The following DNAH9 variants were observed in gnomAD, a reference collection of about 807,000 sequenced individuals.
DNAH9 encodes the protein dynein axonemal heavy chain 9.
Under a neutral mutation model 471.6 loss-of-function variants are expected in DNAH9, and 345 were observed. The observed-to-expected ratio is 0.73, with a 90% CI of 0.67 to 0.80. The LOEUF (loss-of-function observed/expected upper bound fraction) is 0.80. Among genes scored for constraint, DNAH9 ranks in the 30% least tolerant of loss-of-function variants. The pLI, the probability that DNAH9 is intolerant of heterozygous loss-of-function variation, is 0.00. For missense variants in DNAH9, 5,407 were observed against 5,609.2 expected (o/e 0.96, Z 1.15); for synonymous variants, 2,093 against 2,123.6 (o/e 0.99, Z 0.40).
intron 15 of DNAH9, among the ~76,000 whole-genome samples, chr17:11,666,215 A>G (rs1432655593): frequency 6.6e-6 from 1 of 152,144 alleles, no homozygotes; most frequent in Non-Finnish European, 1.5e-5. Context: ...GCCTCCTCTA[A>G]TGCTGGAGGT....
chr17:11,814,558 T>C (rs1970028046), intron 45 of DNAH9, among the ~76,000 whole-genome samples: 1 of 152,248 alleles, frequency 6.6e-6, no homozygotes, highest in South Asian at 2.1e-4. Context: ...ATTTACTAAG[T>C]GTGCATGCTC....
chr17:11,886,990 C>T, intron 57 of DNAH9, 25 bp downstream of exon 57: 1 of 1,601,008 alleles, frequency 6.2e-7, no homozygotes, highest in South Asian at 1.1e-5. Flanking sequence ...GAGTTTCTTG[C>T]CTGATTATAA....
intron 45 of DNAH9, among the ~76,000 whole-genome samples, chr17:11,816,051 G>T (rs902568268): frequency 1.3e-5 from 2 of 152,100 alleles, no homozygotes; most frequent in African/African-American, 2.4e-5. Flanking sequence ...CACAGTAGAA[G>T]ACTTACCTTA....
intron 52 of DNAH9, among the ~76,000 whole-genome samples, chr17:11,872,899 G>A (rs751181769): frequency 3.3e-5 from 5 of 152,224 alleles, no homozygotes; most frequent in African/African-American, 7.2e-5. Context: ...CAGCCTGGGC[G>A]ACAGAGCGAG....
intron 51 of DNAH9, among the ~76,000 whole-genome samples, chr17:11,869,643 T>G (rs889954879): frequency 4.6e-5 from 7 of 152,112 alleles, no homozygotes; most frequent in African/African-American, 1.7e-4. Flanking sequence ...GGAACTGAGA[T>G]AGAAACAGAA....
intron 17 of DNAH9, among the ~76,000 whole-genome samples, chr17:11,671,774 G>A (rs1280646598): frequency 1.3e-5 from 2 of 152,224 alleles, no homozygotes; most frequent in East Asian, 1.9e-4. Context: ...GATACAGGAC[G>A]TGGTAACAGC....
chr17:11,728,014 C>G (rs2075186793), intron 28 of DNAH9, 92 bp downstream of exon 28: 1 of 800,424 alleles, frequency 1.2e-6, no homozygotes, highest in Admixed American at 2.0e-5. Context: ...TCCTGAGCAT[C>G]TACGTCCCTT....
intron 9 of DNAH9, 48 bp from the exon 10 acceptor site, chr17:11,640,222 A>G (rs1370543037): frequency 8.6e-7 from 1 of 1,164,528 alleles, no homozygotes; most frequent in Admixed American, 2.0e-5. Flanking sequence ...AGCGGAGAGG[A>G]CTGAGGTGCT....
intron 12 of DNAH9, 152 bp downstream of exon 12, chr17:11,647,350 A>G: frequency 5.8e-6 from 4 of 689,468 alleles, no homozygotes; most frequent in Non-Finnish European, 9.6e-6. Context: ...TCAGCTCACT[A>G]CAACCCCTAC....
chr17:11,868,800 C>T (rs953677934), intron 50 of DNAH9, among the ~76,000 whole-genome samples: 3 of 152,112 alleles, frequency 2.0e-5, no homozygotes, highest in Admixed American at 6.5e-5. Flanking sequence ...CCCTTCCCCC[C>T]ATCCACATCC....
Position 11,689,612 on chromosome 17 carries a change from G to A in DNAH9, c.3790G>A (p.Glu1264Lys), listed in dbSNP as rs756428546. 6.8e-6 allele frequency: 11 copies of A among 1,613,910 alleles called. No homozygotes were observed. Among genetic ancestry groups the A allele is most frequent in the East Asian group, 6.7e-5 (3 of 44,878 alleles). The change falls in exon 20 of 69, where the codon GAG becomes AAG. Residue 1264 changes from glutamate (E) to lysine (K), a missense_variant. Physicochemically the swap from Glu to Lys is moderately conservative, Grantham distance 56. This residue lies in a region of DNAH9 where 4,636 missense variants were observed against 4,900.3 expected (regional missense o/e 0.95). Transcript: ENST00000262442. ...PHQMLDARHI[E>K]IQQMESTMAS... is the part of the protein sequence containing the mutation. ...TCAAATGCTGGATGCCAGGCACATC[G>A]AGATCCAGCAGATGGAATCCACTAT... is the stretch of plus-strand genomic sequence containing the variant.
At chr17:11,699,391 T>C (rs1346260201) in intron 22 of DNAH9, among the ~76,000 whole-genome samples, 1 of 152,226 alleles carries the variant, frequency 6.6e-6, no homozygotes, top group Non-Finnish European at 1.5e-5. Context: ...GGTAGTGTTT[T>C]CTTAGGAAGA....
intron 45 of DNAH9, among the ~76,000 whole-genome samples, chr17:11,817,730 C>A (rs949221938): frequency 2.6e-5 from 4 of 152,084 alleles, no homozygotes; most frequent in African/African-American, 4.8e-5. Flanking sequence ...TCAGAAGAGG[C>A]TGAAATGAGT....
At chr17:11,841,971 C>T (rs1353611186) in intron 49 of DNAH9, among the ~76,000 whole-genome samples, 1 of 151,978 alleles carries the variant, frequency 6.6e-6, no homozygotes, top group Non-Finnish European at 1.5e-5. Flanking sequence ...CTTTTTATTT[C>T]CTTCCTTCCT....
intron 38 of DNAH9, among the ~76,000 whole-genome samples, chr17:11,774,975 C>T (rs1393991409): frequency 6.6e-6 from 1 of 151,968 alleles, no homozygotes; most frequent in African/African-American, 2.4e-5. Context: ...TGAACATAAC[C>T]GTCACCTCCA....
Position 11,651,142 on chromosome 17 carries a change from C to T in DNAH9, c.2171C>T (p.Ala724Val). Residue 724 changes from alanine to valine, a missense_variant, in exon 13 of 69, where the codon GCC becomes GTC. This residue lies in a region of DNAH9 where 4,636 missense variants were observed against 4,900.3 expected (regional missense o/e 0.95). Coordinates refer to ENST00000262442, the MANE Select transcript of DNAH9 (RefSeq NM_001372.4). ...AAACACATGCCTGAGACAGCAGCAG[C>T]CATGTTCTCCTCCAGGGATTTCTAT... ...EMKHMPETAA[A>V]MFSSRDFYRQ... is the part of the protein sequence containing the mutation. 6.2e-7 allele frequency: 1 copy of T among 1,614,002 alleles called. No individual in the cohort carries two copies. Among genetic ancestry groups the T allele is most frequent in the Non-Finnish European group, 8.5e-7 (1 of 1,179,906 alleles).
intron 49 of DNAH9, among the ~76,000 whole-genome samples, chr17:11,850,952 A>G (rs9895416): frequency 0.026 from 4,011 of 152,276 alleles, 167 homozygotes; most frequent in African/African-American, 0.091. Flanking sequence ...GAGGAGGGAT[A>G]CAGTAAGTCA....
intron 31 of DNAH9, among the ~76,000 whole-genome samples, chr17:11,747,316 G>A (rs533432349): frequency 4.9e-4 from 74 of 152,130 alleles, no homozygotes; most frequent in African/African-American, 1.5e-3. Context: ...AATCCCCCTC[G>A]CCTGGCACAC....
intron 61 of DNAH9, among the ~76,000 whole-genome samples, chr17:11,920,337 G>C (rs891444907): frequency 1.3e-5 from 2 of 151,668 alleles, no homozygotes; most frequent in Non-Finnish European, 2.9e-5. Context: ...CTTTCAAGAT[G>C]AGGTTGGGCA....
Sources: allele counts gnomAD v4.1 joint callset (sites outside exome capture counted in the v4.1 genomes callset), GRCh38; gene constraint gnomAD v4.1.1; regional missense constraint gnomAD v4.1.1; transcripts MANE v1.5; gene names NCBI Gene and HGNC (gene_info 2026-07-23, HGNC 2026-07-21).